The following CMIP variants were observed in gnomAD, a reference collection of about 807,000 sequenced individuals.
CMIP encodes c-Maf inducing protein, also known as C-Maf-inducing protein.
A neutral mutation model predicts 97.3 loss-of-function variants in CMIP; 13 were observed. The ratio of observed to expected loss-of-function variants is 0.13; its 90% CI spans 0.09 to 0.21. CMIP has a LOEUF of 0.21. Ranked by LOEUF, CMIP falls within the 10% of genes least tolerant of loss-of-function variation. The pLI, the probability that CMIP is intolerant of heterozygous loss-of-function variation, is 1.00. For missense variants in CMIP, 847 were observed against 1,024.9 expected (o/e 0.83, Z 2.37); for synonymous variants, 538 against 436.3 (o/e 1.23, Z -2.91).
At chr16:81,702,581 G>T (rs558513392) in intron 16 of CMIP, 41 bp from the exon 17 acceptor site, 2 of 1,598,870 alleles carry the variant, frequency 1.3e-6, no homozygotes, top group East Asian at 2.2e-5. Flanking sequence ...ATGGAAACTT[G>T]GGGAAAAGAA....
intron 1 of CMIP, among the ~76,000 whole-genome samples, chr16:81,558,639 T>A (rs928238757): frequency 2.0e-5 from 3 of 152,044 alleles, no homozygotes; most frequent in African/African-American, 7.2e-5. Flanking sequence ...ACAGGAGGCG[T>A]GGGGAGGAGG....
At chr16:81,457,647 T>C (rs946041162) in intron 1 of CMIP, among the ~76,000 whole-genome samples, 2 of 152,194 alleles carry the variant, frequency 1.3e-5, no homozygotes, top group South Asian at 2.1e-4. Context: ...CTGTGTTCAT[T>C]CATTTAATCA....
chr16:81,591,144 A>G (rs1202792440), intron 1 of CMIP, among the ~76,000 whole-genome samples: 2 of 152,250 alleles, frequency 1.3e-5, no homozygotes, highest in African/African-American at 4.8e-5. Flanking sequence ...AACTAGCAGC[A>G]TCACTTAAGA....
chr16:81,520,841 G>A (rs2090010545), intron 1 of CMIP, among the ~76,000 whole-genome samples: 1 of 152,220 alleles, frequency 6.6e-6, no homozygotes, highest in Non-Finnish European at 1.5e-5. Flanking sequence ...AAGAAGGGTT[G>A]TGAGGAGGAA....
intron 17 of CMIP, among the ~76,000 whole-genome samples, chr16:81,703,584 GAT>G (rs1907668444): frequency 6.7e-6 from 1 of 149,930 alleles, no homozygotes; most frequent in Admixed American, 6.7e-5. Flanking sequence ...GACACACACA[GAT>G]ATACACACAT....
chr16:81,566,591 G>C (rs538878064), intron 1 of CMIP, among the ~76,000 whole-genome samples: 1 of 152,320 alleles, frequency 6.6e-6, no homozygotes, highest in African/African-American at 2.4e-5. Flanking sequence ...ACCAGGTCTT[G>C]GCAGGGGTCT....
At chr16:81,490,991 G>A (rs145662647) in intron 1 of CMIP, among the ~76,000 whole-genome samples, 23 of 152,246 alleles carry the variant, frequency 1.5e-4, no homozygotes, top group African/African-American at 5.5e-4. Context: ...GGTCCAGCCT[G>A]CACACAGTGG....
chr16:81,481,880 CTTTTTTT>C (rs768919033), intron 1 of CMIP, among the ~76,000 whole-genome samples: 1 of 136,614 alleles, frequency 7.3e-6, no homozygotes, highest in Admixed American at 7.3e-5. Flanking sequence ...CCGCCTCCCT[CTTTTTTT>C]TTTTTTTTTG....
intron 1 of CMIP, among the ~76,000 whole-genome samples, chr16:81,571,732 C>T (rs941836574): frequency 3.9e-5 from 6 of 152,128 alleles, no homozygotes; most frequent in Non-Finnish European, 8.8e-5. Flanking sequence ...GTGAGCACGT[C>T]GTGCACCTTG....
At position 81,540,041 on chromosome 16, in the gene CMIP, G is replaced by A. The variant is rs185373238; in HGVS notation, c.301-67526G>A. 2.6e-5 allele frequency among the ~76,000 whole-genome samples: 4 copies of A among 152,308 alleles called. No homozygotes were observed. In the South Asian group the frequency reaches 6.2e-4, roughly 24 times the overall value. ...ATGGCAGTGAACGAAGCCGAAAGTA[G>A]TTCTCTAATTTGCACAGTAATCTCA... On this transcript the variant is annotated intron_variant, in intron 1 of 20. Coordinates refer to ENST00000537098, the MANE Select transcript of CMIP (RefSeq NM_198390.3).
chr16:81,668,597 C>G (rs1267302744), intron 7 of CMIP, among the ~76,000 whole-genome samples: 1 of 152,156 alleles, frequency 6.6e-6, no homozygotes, highest in African/African-American at 2.4e-5. Context: ...GACAGAGCCC[C>G]GCAGTGGACA....
chr16:81,494,963 A>G lies in CMIP; in HGVS notation c.300+49422A>G, dbSNP rs564531409. 5.9e-5 allele frequency among the ~76,000 whole-genome samples: 9 copies of G among 152,322 alleles called. No individual in the cohort carries two copies. The East Asian group carries it at 1.7e-3, about 29-fold the overall frequency. ...GAAGTCATTGAGGTACAGAGCAGCT[A>G]TGTAACTAGCCATGGATCATAGAGC... is the stretch of plus-strand genomic sequence containing the variant. On this transcript the variant is annotated intron_variant, in intron 1 of 20. Transcript: ENST00000537098.
intron 1 of CMIP, among the ~76,000 whole-genome samples, chr16:81,587,728 C>G (rs1031548926): frequency 1.3e-5 from 2 of 152,192 alleles, no homozygotes; most frequent in Non-Finnish European, 2.9e-5. Context: ...CCAAACCTGT[C>G]TCTCCCTCCT....
At chr16:81,649,646 A>G (rs1243370809) in intron 3 of CMIP, among the ~76,000 whole-genome samples, 3 of 152,226 alleles carry the variant, frequency 2.0e-5, no homozygotes, top group Non-Finnish European at 4.4e-5. Context: ...GATTTTTTGC[A>G]ATGAGCATGC....
At chr16:81,454,341 G>C (rs1272315171) in intron 1 of CMIP, among the ~76,000 whole-genome samples, 1 of 152,224 alleles carries the variant, frequency 6.6e-6, no homozygotes, top group Non-Finnish European at 1.5e-5. Context: ...GTAGAGTTTA[G>C]TGTCAAAGCC....
chr16:81,502,655 C>T (rs2089634713), intron 1 of CMIP, among the ~76,000 whole-genome samples: 1 of 152,224 alleles, frequency 6.6e-6, no homozygotes, highest in African/African-American at 2.4e-5. Context: ...CATCCAAGAC[C>T]TGCCCTTGTG....
At chr16:81,668,439 C>T (rs976728868) in intron 7 of CMIP, among the ~76,000 whole-genome samples, 3 of 152,174 alleles carry the variant, frequency 2.0e-5, no homozygotes, top group African/African-American at 7.2e-5. Context: ...CCCCACTGGG[C>T]TGGGCGCCGA....
intron 3 of CMIP, among the ~76,000 whole-genome samples, chr16:81,638,931 G>A (rs947379804): frequency 2.6e-5 from 4 of 152,250 alleles, no homozygotes; most frequent in East Asian, 3.9e-4. Context: ...CGGCCCACCC[G>A]TGCAGGCTGT....
intron 9 of CMIP, among the ~76,000 whole-genome samples, chr16:81,674,000 G>A (rs76556274): frequency 0.011 from 1,640 of 152,326 alleles, 44 homozygotes; most frequent in African/African-American, 0.037. Context: ...AACAAATGCC[G>A]TACTGCTGAG....
Sources: gnomAD v4.1 joint callset for allele counts (sites outside exome capture counted in the v4.1 genomes callset) on GRCh38, gnomAD v4.1.1 for gene constraint, MANE v1.5 for transcripts, NCBI Gene and HGNC (gene_info 2026-07-23, HGNC 2026-07-21) for gene names.